The following PCLO variants were observed in gnomAD, a reference collection of about 807,000 sequenced individuals.
PCLO encodes the protein piccolo presynaptic cytomatrix protein, also known as protein piccolo.
Under a neutral mutation model 427.5 loss-of-function variants are expected in PCLO, and 82 were observed. The ratio of observed to expected loss-of-function variants is 0.19; its 90% CI spans 0.16 to 0.23. The LOEUF is 0.23. PCLO is among the 10% of genes least tolerant of loss of function. The probability of loss-of-function intolerance (pLI) is 1.00; values close to 1 mark genes in which losing one functional copy is unlikely to be tolerated. For synonymous variants in PCLO, 2,357 were observed against 2,155.4 expected (o/e 1.09, Z -2.59); for missense variants, 6,239 against 6,115.9 (o/e 1.02, Z -0.67).
At chr7:83,068,529 G>A (rs903558707) in intron 3 of PCLO, among the ~76,000 whole-genome samples, 1 of 152,046 alleles carries the variant, frequency 6.6e-6, no homozygotes, top group Admixed American at 6.6e-5. Context: ...ATGTGAAAAG[G>A]TTCTCAATAT....
In PCLO at chr7:82,925,471, G is replaced by T. The variant is rs572171557; in HGVS notation, c.11113-8598C>A. On this transcript the variant is annotated intron_variant, in intron 6 of 24. Transcript: ENST00000333891. Reference sequence around the variant, plus strand: ...ACTCTATGAAATGTCAATGAAAACAGCAATACACCTTCTAGGGGTCCCCAC... The same window carrying T: ...ACTCTATGAAATGTCAATGAAAACATCAATACACCTTCTAGGGGTCCCCAC... 5.9e-5 allele frequency among the ~76,000 whole-genome samples: 9 copies of T among 152,148 alleles called. No individual in the cohort carries two copies. In the South Asian group the frequency reaches 1.9e-3, roughly 32 times the overall value.
In PCLO at chr7:83,162,857, G is replaced by A; in HGVS notation, c.-265C>T. 2.0e-6 allele frequency: 1 copy of A among 507,028 alleles called. No individual in the cohort carries two copies. Among genetic ancestry groups the A allele is most frequent in the Non-Finnish European group, 3.4e-6 (1 of 290,570 alleles). The allele number at this position is 507,028 out of a possible 1,614,324, so 31.4% of individuals were successfully genotyped here. ...AAGACACCTCCCGGACGCCGCCTCG[G>A]CGCCCCGAGCCGGGGAGAAGCAGAT... On this transcript the variant is annotated 5_prime_UTR_variant, in exon 1 of 25. Transcript: ENST00000333891.
rs116006836 is a variant in PCLO at position 83,149,651 on chromosome 7, C to G, written c.1893+5097G>C. ...CCATCAGGAATGTCTTACAGGCTTT[C>G]TCTCTCCACAGATTCCAGCCTCTTG... On this transcript the variant is annotated intron_variant, in intron 2 of 24. Transcript: ENST00000333891. Among the ~76,000 whole-genome samples, 530 of 152,330 alleles carry G rather than the reference C, an allele frequency of 3.5e-3. 1 individual carries two copies. Among genetic ancestry groups the G allele is most frequent in the African/African-American group, 0.012 (496 of 41,584 alleles).
chr7:82,820,514 G>C (rs1290783495), intron 20 of PCLO: 1 of 1,220,976 alleles, frequency 8.2e-7, no homozygotes, highest in Non-Finnish European at 1.0e-6. Context: ...TTATTACACA[G>C]GCACTTGGAG....
chr7:82,766,783 A>G (rs1790540419), intron 22 of PCLO, among the ~76,000 whole-genome samples: 2 of 152,154 alleles, frequency 1.3e-5, no homozygotes, highest in South Asian at 4.1e-4. Flanking sequence ...AAAACTTGCT[A>G]ATTGAAGTTC....
chr7:83,123,385 C>G (rs1791336906), intron 3 of PCLO, among the ~76,000 whole-genome samples: 1 of 152,152 alleles, frequency 6.6e-6, no homozygotes, highest in East Asian at 1.9e-4. Flanking sequence ...AAAGTGTATT[C>G]TCTTCAATAA....
chr7:83,129,547 T>C (rs1173013631), intron 3 of PCLO, among the ~76,000 whole-genome samples: 2 of 152,166 alleles, frequency 1.3e-5, no homozygotes, highest in Non-Finnish European at 2.9e-5. Context: ...TGCTATCACA[T>C]TTCCAAAGAG....
rs1312410868 is a variant in PCLO, at chr7:82,952,006, C to T, written c.8947G>A (p.Gly2983Ser). Residue 2983 changes from glycine (G) to serine (S), a missense_variant, in exon 5 of 25, where the codon GGT (glycine) becomes AGT (serine). Gly to Ser is a moderately conservative substitution (Grantham distance 56). Transcript: ENST00000333891. ...HYQYDRSGPY[G>S]YRGIGGMKPS... ...TTCATTCCCCCAATCCCTCTATAAC[C>T]ATATGGCCCTGATCGATCATACTGA... 3 of 1,613,780 alleles carry T rather than the reference C, an allele frequency of 1.9e-6. No individual in the cohort carries two copies. The highest frequency in any genetic ancestry group is 2.5e-6 in the Non-Finnish European group (3 of 1,179,850).
chr7:83,092,924 G>T (rs549395397), intron 3 of PCLO, among the ~76,000 whole-genome samples: 28 of 128,942 alleles, frequency 2.2e-4, no homozygotes, highest in African/African-American at 7.8e-4. Context: ...TCCAGCCTGG[G>T]TGACAGAGCA....
At chr7:83,100,418 G>T (rs1790708057) in intron 3 of PCLO, among the ~76,000 whole-genome samples, 1 of 152,120 alleles carries the variant, frequency 6.6e-6, no homozygotes, top group Non-Finnish European at 1.5e-5. Flanking sequence ...ATGCCCATCA[G>T]TGATAAACTG....
At chr7:83,012,169 A>C (rs1472407951) in intron 3 of PCLO, among the ~76,000 whole-genome samples, 4 of 152,232 alleles carry the variant, frequency 2.6e-5, no homozygotes, top group Non-Finnish European at 4.4e-5. Context: ...CATAATAATA[A>C]ATTTTATGAG....
intron 9 of PCLO, among the ~76,000 whole-genome samples, chr7:82,887,615 A>G (rs1157284774): frequency 2.0e-5 from 3 of 152,170 alleles, no homozygotes; most frequent in African/African-American, 7.2e-5. Flanking sequence ...TAACCAAGCA[A>G]TCTGTCAGGA....
Position 82,953,347 on chromosome 7 carries a change from G to A in PCLO, c.7606C>T (p.Leu2536=), listed in dbSNP as rs1023714476. Residue 2536 remains leucine (L), a synonymous_variant, in exon 5 of 25, where the codon CTA becomes TTA. Coordinates refer to ENST00000333891, the MANE Select transcript of PCLO (RefSeq NM_033026.6). ...AAGGTCATACTTGAAGTTAAAGATA[G>A]GCCTGTTGGTTTGGGGTGTATATCT... ...PTDIHPKPTG[L]SLTSSMTLNL... 10 of 1,613,706 alleles carry A rather than the reference G, an allele frequency of 6.2e-6. No homozygotes were observed. Among genetic ancestry groups the A allele is most frequent in the Non-Finnish European group, 8.5e-6 (10 of 1,179,856 alleles).
At chr7:82,843,656 A>G (rs913414297) in intron 13 of PCLO, among the ~76,000 whole-genome samples, 2 of 148,482 alleles carry the variant, frequency 1.3e-5, no homozygotes, top group Non-Finnish European at 3.0e-5. Flanking sequence ...GCCATTCCAC[A>G]ACGTATTCAT....
chr7:82,816,586 T>C (rs1343504617), intron 20 of PCLO, among the ~76,000 whole-genome samples: 1 of 152,170 alleles, frequency 6.6e-6, no homozygotes, highest in Non-Finnish European at 1.5e-5. Context: ...ATAAATAATA[T>C]TTAAGAAACC....
chr7:83,051,908 C>A (rs1171551500), intron 3 of PCLO, among the ~76,000 whole-genome samples: 1 of 151,776 alleles, frequency 6.6e-6, no homozygotes, highest in Non-Finnish European at 1.5e-5. Flanking sequence ...CACACACAGT[C>A]AAAGGAGCAA....
chr7:82,984,873 T>C (rs949026563), intron 3 of PCLO, among the ~76,000 whole-genome samples: 1 of 152,014 alleles, frequency 6.6e-6, no homozygotes, highest in African/African-American at 2.4e-5. Flanking sequence ...ATATTTTGAT[T>C]TGAAAACTAT....
At position 82,796,745 on chromosome 7, in the gene PCLO, G is replaced by A. The variant is rs144641683; in HGVS notation, c.15007+4773C>T. ...GGTACAGTCACCAACCAATCTGAAT[G>A]GATCCTGGCTGTACACACCTGGTTC... On this transcript the variant is annotated intron_variant, in intron 22 of 24. Transcript: ENST00000333891. Among the ~76,000 whole-genome samples, 346 of 149,276 alleles carry A rather than the reference G, an allele frequency of 2.3e-3. 2 individuals are homozygous for A. The highest frequency in any genetic ancestry group is 6.8e-3 in the Middle Eastern group (2 of 294).
chr7:82,991,913 T>A (rs17156999), intron 3 of PCLO, among the ~76,000 whole-genome samples: 1,804 of 152,248 alleles, frequency 0.012, 39 homozygotes, highest in African/African-American at 0.041. Flanking sequence ...TATGGCATTA[T>A]CCTGTAAACT....
Sources: gnomAD v4.1 joint callset for allele counts (sites outside exome capture counted in the v4.1 genomes callset) on GRCh38, gnomAD v4.1.1 for gene constraint, MANE v1.5 for transcripts, NCBI Gene and HGNC (gene_info 2026-07-23, HGNC 2026-07-21) for gene names.